Variants in CETP observed in about 807,000 individuals in gnomAD.
CETP encodes the protein cholesteryl ester transfer protein.
In CETP, 56 loss-of-function variants were observed where a neutral mutation model predicts 66.5. The observed-to-expected ratio is 0.84, with a 90% confidence interval of 0.68 to 1.05. CETP has a LOEUF of 1.05. Ranked by LOEUF, CETP falls within the 50% of genes least tolerant of loss-of-function variation. CETP has a pLI of 0.00. For missense variants in CETP, 612 were observed against 609.6 expected, an observed-to-expected ratio of 1.00 and a Z score of -0.04; for synonymous variants, 251 against 245.7, an observed-to-expected ratio of 1.02 and a Z score of -0.20.
chr16:56,981,320 T>A, intron 12 of CETP, 95 bp downstream of exon 12: 1 of 1,031,238 alleles, frequency 9.7e-7, no homozygotes, highest in South Asian at 1.3e-5. Context: ...GGTGGGGAAA[T>A]GTGGCCCCTT....
At position 56,965,188 on chromosome 16, in the gene CETP, T is replaced by A. The variant is rs116604371; in HGVS notation, c.233+2064T>A. On this transcript the variant is annotated intron_variant, in intron 2 of 15. Coordinates refer to ENST00000200676, the MANE Select transcript of CETP (RefSeq NM_000078.3). ...GAAGTTAAAGAAATAGTATCCTTAA[T>A]AAATCAGCAATAATTCAGTAAGACC... Among the ~76,000 whole-genome samples, 758 of 152,340 alleles carry A rather than the reference T, an allele frequency of 5.0e-3. 14 individuals are homozygous for A. Among genetic ancestry groups the A allele is most frequent in the African/African-American group, 0.017 (722 of 41,566 alleles).
rs1256725126 is a variant in CETP at position 56,983,641 on chromosome 16, T to C, written c.1457T>C (p.Val486Ala). Residue 486 changes from valine (V) to alanine (A), a missense_variant, in exon 16 of 16, where the codon GTG becomes GCG. By Grantham distance (64) the Val-to-Ala change is moderately conservative (BLOSUM62 0). Transcript: ENST00000200676. ...MDFGFPEHLL[V>A]DFLQSLS The stretch of plus-strand genomic sequence containing the variant: ...TTTGGCTTCCCTGAGCACCTGCTGG[T>C]GGATTTCCTCCAGAGCTTGAGCTAG... The C allele has an allele frequency of 6.2e-7, 1 of 1,614,114 alleles. No individual in the cohort carries two copies. The highest frequency in any genetic ancestry group is 1.3e-5 in the African/African-American group (1 of 75,026).
chr16:56,969,895 A>C lies in CETP; in HGVS notation c.440-19A>C, dbSNP rs763564306. On this transcript the variant is annotated intron_variant, in intron 4 of 15. Transcript: ENST00000200676. The stretch of plus-strand genomic sequence containing the variant: ...TGATAGCGGAGGCTGCCCTGAGGTC[A>C]TGTCGGGTCTCCCTGCAGCCTGTGA... 4 of 1,612,864 alleles carry C rather than the reference A, an allele frequency of 2.5e-6. No homozygotes were observed. The highest frequency in any genetic ancestry group is 3.4e-6 in the Non-Finnish European group (4 of 1,179,272).
chr16:56,969,835 C>T (rs1269222435), intron 4 of CETP, 79 bp from the exon 5 acceptor site: 90 of 1,562,474 alleles, frequency 5.8e-5, no homozygotes, highest in Non-Finnish European at 1.2e-5. Context: ...GCTGGCCAAG[C>T]TCTTGACTGG....
intron 8 of CETP, 22 bp downstream of exon 8, chr16:56,972,105 G>A (rs568475173): frequency 2.5e-6 from 4 of 1,593,312 alleles, no homozygotes; most frequent in East Asian, 4.5e-5. Flanking sequence ...GGGAGGGTGG[G>A]GCAGGGCCCA....
chr16:56,981,090 A>AGCTAGGAGGGTT, intron 11 of CETP, 68 bp from the exon 12 acceptor site: 1 of 1,164,934 alleles, frequency 8.6e-7, no homozygotes, highest in Non-Finnish European at 1.3e-6. Context: ...AGGGGCCCTG[A>AGCTAGGAGGGTT]GCTAGGAGGG....
At chr16:56,982,398 G>A (rs544905909) in intron 14 of CETP, among the ~76,000 whole-genome samples, 161 bp downstream of exon 14, 7 of 152,086 alleles carry the variant, frequency 4.6e-5, no homozygotes, top group Non-Finnish European at 8.8e-5. Flanking sequence ...GGTATTGCAC[G>A]CCAATGACTC....
chr16:56,983,808 C>A lies in CETP; in HGVS notation c.*142C>A. The A allele has an allele frequency of 1.3e-6, 1 of 779,612 alleles. No homozygotes were observed. Among genetic ancestry groups the A allele is most frequent in the Non-Finnish European group, 2.3e-6 (1 of 443,390 alleles). The allele number at this position is 779,612 out of a possible 1,614,324, so 48.3% of individuals were successfully genotyped here. ...AGATTGGCTCCCAACTCCTCCCTAT[C>A]CTAAAGGCCCACTGGCATTAAAGTG... On this transcript the variant is annotated 3_prime_UTR_variant, in exon 16 of 16. Transcript: ENST00000200676.
rs372940507 is a variant in CETP, at chr16:56,964,683, G to A, written c.233+1559G>A. Among the ~76,000 whole-genome samples, 4 of 152,192 alleles carry A rather than the reference G, an allele frequency of 2.6e-5. No homozygotes were observed. In the East Asian group the frequency reaches 5.8e-4, roughly 22 times the overall value. On this transcript the variant is annotated intron_variant, in intron 2 of 15. Coordinates refer to ENST00000200676, the MANE Select transcript of CETP (RefSeq NM_000078.3). ...CCGCGCACATTGGGCCTTGAGTCTTGGTAAATGTTTCTGAGCCACCAGGGG... is the reference window on the plus strand; with the variant it reads ...CCGCGCACATTGGGCCTTGAGTCTTAGTAAATGTTTCTGAGCCACCAGGGG...
intron 10 of CETP, among the ~76,000 whole-genome samples, chr16:56,976,815 T>A (rs2056153212): frequency 6.6e-6 from 1 of 152,238 alleles, no homozygotes; most frequent in South Asian, 2.1e-4. Context: ...GGATAGTTTC[T>A]TCAAGTATCT....
intron 12 of CETP, 82 bp downstream of exon 12, chr16:56,981,307 G>A: frequency 1.7e-6 from 2 of 1,152,126 alleles, no homozygotes; most frequent in Non-Finnish European, 2.6e-6. Context: ...AGGGCGGGGT[G>A]TTGGTGGGGA....
At position 56,962,063 on chromosome 16, in the gene CETP, C is replaced by T. The variant is rs142117489; in HGVS notation, c.84C>T (p.Ile28=). Reference sequence around the variant, plus strand: ...AAGGCACCTCGCACGAGGCAGGCATCGTGTGCCGCATCACCAAGCCTGCCC... The same window carrying T: ...AAGGCACCTCGCACGAGGCAGGCATTGTGTGCCGCATCACCAAGCCTGCCC... ...CSKGTSHEAG[I]VCRITKPALL... The change falls in exon 1 of 16, where the codon ATC becomes ATT. Residue 28 remains isoleucine (I), a synonymous_variant. Transcript: ENST00000200676. The T allele has an allele frequency of 1.5e-5, 25 of 1,614,094 alleles. No individual in the cohort carries two copies. The highest frequency in any genetic ancestry group is 1.6e-4 in the Middle Eastern group (1 of 6,062).
intron 10 of CETP, among the ~76,000 whole-genome samples, chr16:56,976,020 C>T (rs289718): frequency 0.64 from 97,115 of 151,676 alleles, 31,622 homozygotes; most frequent in Admixed American, 0.71. Context: ...CTCTGTGATG[C>T]CTCTCTCCTT....
rs766310314 is a variant in CETP, at chr16:56,962,111, C to A, written c.118+14C>A. Reference sequence around the variant, plus strand: ...CCCTCCTGGTGTGTAAGTATCAGTGCATCTGTCTGCCCTGCCAGGGGTCTT... The same window carrying A: ...CCCTCCTGGTGTGTAAGTATCAGTGAATCTGTCTGCCCTGCCAGGGGTCTT... On this transcript the variant is annotated intron_variant, in intron 1 of 15. Transcript: ENST00000200676. 1.9e-6 allele frequency: 3 copies of A among 1,599,626 alleles called. No homozygotes were observed. The highest frequency in any genetic ancestry group is 2.6e-6 in the Non-Finnish European group (3 of 1,167,046).
chr16:56,975,966 G>T (rs1078367), intron 10 of CETP, among the ~76,000 whole-genome samples: 1 of 152,160 alleles, frequency 6.6e-6, no homozygotes, highest in Non-Finnish European at 1.5e-5. Flanking sequence ...AACAGAGGAC[G>T]GTCCCTCTTC....
intron 8 of CETP, among the ~76,000 whole-genome samples, chr16:56,972,926 G>A (rs1186285373): frequency 6.6e-6 from 1 of 152,072 alleles, no homozygotes; most frequent in Non-Finnish European, 1.5e-5. Context: ...GTGGGGCGGG[G>A]GACTGGGCAG....
intron 8 of CETP, 111 bp from the exon 9 acceptor site, chr16:56,973,220 T>C: frequency 8.8e-7 from 1 of 1,135,576 alleles, no homozygotes; most frequent in Non-Finnish European, 1.3e-6. Context: ...TTCCTCAGTT[T>C]CCCCATCTGC....
At chr16:56,962,908 C>A in intron 1 of CETP, 102 bp from the exon 2 acceptor site, 1 of 980,628 alleles carries the variant, frequency 1.0e-6, no homozygotes, top group South Asian at 1.3e-5. Context: ...CTGCTGGGAG[C>A]CTCATCTCAG....
intron 10 of CETP, among the ~76,000 whole-genome samples, chr16:56,976,407 A>T (rs2056150248): frequency 6.6e-6 from 1 of 151,760 alleles, no homozygotes; most frequent in African/African-American, 2.4e-5. Context: ...ACCCAGCGTA[A>T]TTGTAACTGT....
Sources: allele counts gnomAD v4.1 joint callset (sites outside exome capture counted in the v4.1 genomes callset), GRCh38; gene constraint gnomAD v4.1.1; transcripts MANE v1.5; gene names NCBI Gene and HGNC (gene_info 2026-07-23, HGNC 2026-07-21).